Variants in SERGEF observed in about 807,000 individuals in gnomAD.
SERGEF encodes secretion regulating guanine nucleotide exchange factor.
In SERGEF, 51 loss-of-function variants were observed where a neutral mutation model predicts 50.0. The observed-to-expected ratio is 1.02, with a 90% CI of 0.81 to 1.29. The LOEUF (loss-of-function observed/expected upper bound fraction) is 1.29. Among genes scored for constraint, SERGEF ranks in the 50% most tolerant of loss-of-function variants. SERGEF has a pLI of 0.00. For synonymous variants in SERGEF, 205 were observed against 212.4 expected (o/e 0.97, Z 0.30); for missense variants, 521 against 557.0 (o/e 0.94, Z 0.65).
intron 9 of SERGEF, among the ~76,000 whole-genome samples, chr11:17,880,962 G>T (rs188099077): frequency 1.1e-3 from 170 of 152,310 alleles, no homozygotes; most frequent in Admixed American, 2.7e-3. Context: ...TACATGCCAG[G>T]TGTCATGCCA....
At chr11:17,982,886 G>A (rs1413565899) in intron 8 of SERGEF, among the ~76,000 whole-genome samples, 2 of 152,190 alleles carry the variant, frequency 1.3e-5, no homozygotes, top group African/African-American at 4.8e-5. Context: ...AGAGGACACC[G>A]ATGGAAGGGA....
At chr11:17,955,785 T>C (rs1285440154) in intron 9 of SERGEF, among the ~76,000 whole-genome samples, 4 of 152,056 alleles carry the variant, frequency 2.6e-5, no homozygotes, top group African/African-American at 4.8e-5. Flanking sequence ...GGGCAGAGAA[T>C]AGAGGCAGGG....
At chr11:17,943,916 T>C (rs1590210925) in intron 9 of SERGEF, among the ~76,000 whole-genome samples, 1 of 152,088 alleles carries the variant, frequency 6.6e-6, no homozygotes, top group Admixed American at 6.5e-5. Context: ...CTTCCCTCTA[T>C]TTGTTTTTTG....
chr11:17,907,651 G>A (rs890085239), intron 9 of SERGEF, among the ~76,000 whole-genome samples: 1 of 152,182 alleles, frequency 6.6e-6, no homozygotes, highest in African/African-American at 2.4e-5. Flanking sequence ...CCAGGCAGAG[G>A]GGGAATGAGG....
intron 8 of SERGEF, among the ~76,000 whole-genome samples, chr11:17,976,708 A>C (rs1177263397): frequency 6.6e-6 from 1 of 152,196 alleles, no homozygotes; most frequent in Non-Finnish European, 1.5e-5. Flanking sequence ...ATTACAGGCC[A>C]GTAACTAAAT....
At chr11:18,007,303 G>A (rs977182713) in intron 2 of SERGEF, among the ~76,000 whole-genome samples, 4 of 152,134 alleles carry the variant, frequency 2.6e-5, no homozygotes, top group Non-Finnish European at 2.9e-5. Flanking sequence ...AAGCACCAAC[G>A]ACCCATGACA....
intron 9 of SERGEF, among the ~76,000 whole-genome samples, chr11:17,892,041 G>A (rs1851540762): frequency 6.6e-6 from 1 of 152,172 alleles, no homozygotes; most frequent in East Asian, 1.9e-4. Context: ...AAGGGGAGGG[G>A]AAGCTTCCAG....
At chr11:17,977,535 C>T (rs905572440) in intron 8 of SERGEF, among the ~76,000 whole-genome samples, 38 of 152,282 alleles carry the variant, frequency 2.5e-4, no homozygotes, top group Admixed American at 2.1e-3. Flanking sequence ...AGTTCACCAC[C>T]ATAACTCCCC....
At chr11:17,941,389 T>C (rs1330706379) in intron 9 of SERGEF, among the ~76,000 whole-genome samples, 1 of 152,222 alleles carries the variant, frequency 6.6e-6, no homozygotes, top group Non-Finnish European at 1.5e-5. Flanking sequence ...ACAGTATCTG[T>C]CTTTTTGTGA....
intron 8 of SERGEF, among the ~76,000 whole-genome samples, chr11:17,960,339 A>G (rs568238661): frequency 6.2e-4 from 94 of 152,370 alleles, no homozygotes; most frequent in Non-Finnish European, 1.0e-3. Flanking sequence ...ATGACAAAAG[A>G]AAATGAGATT....
At chr11:17,795,336 G>A (rs1260684411) in intron 10 of SERGEF, among the ~76,000 whole-genome samples, 1 of 152,174 alleles carries the variant, frequency 6.6e-6, no homozygotes, top group Non-Finnish European at 1.5e-5. Context: ...GGGGAGTGAG[G>A]AATCCCTGAA....
chr11:17,830,408 G>T (rs2133852580), intron 10 of SERGEF, among the ~76,000 whole-genome samples: 1 of 152,302 alleles, frequency 6.6e-6, no homozygotes, highest in South Asian at 2.1e-4. Flanking sequence ...GCACAGACTG[G>T]ATAATTTATA....
chr11:17,878,319 T>C, intron 9 of SERGEF, 75 bp from the exon 10 acceptor site: 1 of 1,190,552 alleles, frequency 8.4e-7, no homozygotes, highest in Non-Finnish European at 1.2e-6. Context: ...AGTTCTTTTC[T>C]AATGACACTA....
chr11:17,887,483 A>C (rs1274174483), intron 9 of SERGEF, among the ~76,000 whole-genome samples: 1 of 152,190 alleles, frequency 6.6e-6, no homozygotes, highest in Admixed American at 6.5e-5. Context: ...AGGCCAGGTA[A>C]ATATCCTATG....
chr11:17,973,580 A>G lies in SERGEF; in HGVS notation c.845-13944T>C, dbSNP rs187977980. 2.6e-5 allele frequency among the ~76,000 whole-genome samples: 4 copies of G among 152,302 alleles called. No homozygotes were observed. In the East Asian group the frequency reaches 7.7e-4, roughly 29 times the overall value. On this transcript the variant is annotated intron_variant, in intron 8 of 10. Coordinates refer to ENST00000265965, the MANE Select transcript of SERGEF (RefSeq NM_012139.4). ...GGAAGGAGCCTATCCTAGGATGCCA[A>G]TTTGTGGTCAACCAGTGAGAACATC...
chr11:17,957,026 A>C (rs1279604652), intron 9 of SERGEF, among the ~76,000 whole-genome samples: 1 of 152,158 alleles, frequency 6.6e-6, no homozygotes, highest in Non-Finnish European at 1.5e-5. Context: ...TCCCAGACCC[A>C]ATTTACCAGA....
chr11:17,986,011 C>T (rs1019409134), intron 8 of SERGEF, among the ~76,000 whole-genome samples: 1 of 152,194 alleles, frequency 6.6e-6, no homozygotes, highest in Non-Finnish European at 1.5e-5. Flanking sequence ...CAATATCACA[C>T]AACTAATGCC....
intron 10 of SERGEF, among the ~76,000 whole-genome samples, chr11:17,860,165 GA>G (rs1172600325): frequency 6.6e-6 from 1 of 152,190 alleles, no homozygotes; most frequent in Non-Finnish European, 1.5e-5. Flanking sequence ...AAGCGTGTAA[GA>G]GGTGTTTTAT....
chr11:17,893,090 C>G (rs1851561151), intron 9 of SERGEF, among the ~76,000 whole-genome samples: 1 of 152,198 alleles, frequency 6.6e-6, no homozygotes, highest in Non-Finnish European at 1.5e-5. Context: ...GGCCAGCTCA[C>G]AGCAACACCA....
Sources: gnomAD v4.1 joint callset for allele counts (sites outside exome capture counted in the v4.1 genomes callset) on GRCh38, gnomAD v4.1.1 for gene constraint, MANE v1.5 for transcripts, NCBI Gene and HGNC (gene_info 2026-07-23, HGNC 2026-07-21) for gene names.